RIMBP2: variants seen among roughly 807,000 people sequenced by gnomAD.
RIMBP2 encodes RIMS-binding protein 2.
A neutral mutation model predicts 118.6 loss-of-function variants in RIMBP2; 48 were observed. The ratio of observed to expected loss-of-function variants is 0.40; its 90% CI spans 0.32 to 0.51. The LOEUF is 0.51. RIMBP2 is among the 20% of genes least tolerant of loss of function. The probability of loss-of-function intolerance (pLI) is 0.41; values close to 1 mark genes in which losing one functional copy is unlikely to be tolerated. For synonymous variants in RIMBP2, 762 were observed against 742.9 expected (o/e 1.03, Z -0.42); for missense variants, 1,551 against 1,768.3 (o/e 0.88, Z 2.20).
At chr12:130,608,686 G>A (rs1227660522) in intron 2 of RIMBP2, among the ~76,000 whole-genome samples, 1 of 152,198 alleles carries the variant, frequency 6.6e-6, no homozygotes, top group Non-Finnish European at 1.5e-5. Flanking sequence ...CTCTGATTTT[G>A]TATGAGTTTA....
chr12:130,564,987 C>G (rs549310942), intron 2 of RIMBP2, among the ~76,000 whole-genome samples: 1 of 152,266 alleles, frequency 6.6e-6, no homozygotes, highest in East Asian at 1.9e-4. Context: ...TACATATGTC[C>G]AAACTCAAAC....
chr12:130,627,511 G>A (rs929429021), intron 2 of RIMBP2, among the ~76,000 whole-genome samples: 1 of 152,168 alleles, frequency 6.6e-6, no homozygotes, highest in Admixed American at 6.5e-5. Context: ...CCCTGAACCT[G>A]ACCATCGAAC....
At position 130,622,370 on chromosome 12, in the gene RIMBP2, T is replaced by C. The variant is rs185971012; in HGVS notation, c.-217+5952A>G. Among the ~76,000 whole-genome samples the C allele has an allele frequency of 5.5e-3, 842 of 152,304 alleles. 10 individuals are homozygous for C. Among genetic ancestry groups the C allele is most frequent in the African/African-American group, 0.019 (788 of 41,576 alleles). On this transcript the variant is annotated intron_variant, in intron 2 of 22. Transcript: ENST00000690449. This position sits in a 1 kb window ranked among gnomAD's most constrained non-coding sequence, Gnocchi z 8.5. ...GGCTTGTGTTTTACATACATAATTA[T>C]ATTGAAAAAGGAAACTACATATAAC... is the stretch of plus-strand genomic sequence containing the variant.
intron 2 of RIMBP2, among the ~76,000 whole-genome samples, chr12:130,574,807 T>G (rs1336905973): frequency 2.0e-5 from 3 of 151,886 alleles, no homozygotes; most frequent in Non-Finnish European, 4.4e-5. Flanking sequence ...CGTCACCCAC[T>G]GCTTGCCAAG....
chr12:130,604,749 A>T (rs1229051654), intron 2 of RIMBP2, among the ~76,000 whole-genome samples: 1 of 26,844 alleles, frequency 3.7e-5, no homozygotes, highest in African/African-American at 1.2e-4. Flanking sequence ...CGCCCGGCTA[A>T]TTTTTGTATT....
Position 130,434,958 on chromosome 12 carries a change from C to T in RIMBP2, c.2107-78G>A, listed in dbSNP as rs563204433. The T allele has an allele frequency of 2.7e-5, 39 of 1,464,992 alleles. No homozygotes were observed. The African/African-American group carries it at 2.7e-4, about 10-fold the overall frequency. The allele number at this position is 1,464,992 out of a possible 1,614,324, so 90.7% of individuals were successfully genotyped here. A position where few individuals can be genotyped will look rare whatever the true frequency, so the allele number is the denominator to read the frequency against. On this transcript the variant is annotated intron_variant, in intron 13 of 22. Transcript: ENST00000690449. This position sits in a 1 kb window ranked among gnomAD's most constrained non-coding sequence, Gnocchi z 5.7. ...CTCAGCCCCACCTGCATTCACCAAACCTTCAGCCCCTCAGAGCCTGGCCAG... is the reference window on the plus strand; with the variant it reads ...CTCAGCCCCACCTGCATTCACCAAATCTTCAGCCCCTCAGAGCCTGGCCAG...
At chr12:130,441,447 A>AATAATAATT (rs572339336) in intron 11 of RIMBP2, among the ~76,000 whole-genome samples, 154 of 141,052 alleles carry the variant, frequency 1.1e-3, no homozygotes, top group African/African-American at 3.8e-3. Context: ...TAATAATAAT[A>AATAATAATT]ATTTACAAGG....
chr12:130,613,520 T>C (rs979705049), intron 2 of RIMBP2, among the ~76,000 whole-genome samples: 1 of 152,052 alleles, frequency 6.6e-6, no homozygotes, highest in Admixed American at 6.5e-5. Flanking sequence ...CTTTCTTCGG[T>C]AAAGATTCAG....
intron 1 of RIMBP2, among the ~76,000 whole-genome samples, chr12:130,638,833 A>C (rs1395882101): frequency 6.6e-6 from 1 of 152,050 alleles, no homozygotes; most frequent in Admixed American, 6.6e-5. Context: ...AACAGGAGGG[A>C]TTTTTAGGGC....
At chr12:130,702,143 T>C (rs2065884370) in intron 1 of RIMBP2, among the ~76,000 whole-genome samples, 2 of 152,066 alleles carry the variant, frequency 1.3e-5, no homozygotes, top group Admixed American at 1.3e-4. Flanking sequence ...GAGGAAAATC[T>C]AAGCTTCTCT....
Position 130,475,103 on chromosome 12 carries a change from G to C in RIMBP2, c.102+3809C>G, listed in dbSNP as rs563324463. On this transcript the variant is annotated intron_variant, in intron 5 of 22. Transcript: ENST00000690449. The surrounding 1 kb of genome is among the most constrained non-coding windows in gnomAD (Gnocchi z 4.1). Reference sequence around the variant, plus strand: ...ACTGTGTCTCTGCTCAGGTCCCAGAGACGAGGGCTGCAGCATGAGCTCATT... The same window carrying C: ...ACTGTGTCTCTGCTCAGGTCCCAGACACGAGGGCTGCAGCATGAGCTCATT... Among the ~76,000 whole-genome samples, 73 of 152,354 alleles carry C rather than the reference G, an allele frequency of 4.8e-4. 1 individual carries two copies. The South Asian group carries it at 7.0e-3, about 15-fold the overall frequency.
chr12:130,404,357 G>T (rs956092514), intron 21 of RIMBP2, among the ~76,000 whole-genome samples: 1 of 152,166 alleles, frequency 6.6e-6, no homozygotes, highest in African/African-American at 2.4e-5. Context: ...GAGTGCAATG[G>T]CATGATCTCA....
At chr12:130,631,816 A>G (rs894654071) in intron 1 of RIMBP2, among the ~76,000 whole-genome samples, 1 of 152,224 alleles carries the variant, frequency 6.6e-6, no homozygotes, top group African/African-American at 2.4e-5. Context: ...TTGTTTCCAT[A>G]TACCTTTATA....
chr12:130,405,220 A>G (rs2075047402), intron 21 of RIMBP2, among the ~76,000 whole-genome samples: 1 of 152,234 alleles, frequency 6.6e-6, no homozygotes, highest in Admixed American at 6.5e-5. Flanking sequence ...CACAAAGTTA[A>G]AAAGCAGAGG....
rs541950870 is a variant in RIMBP2 at position 130,664,378 on chromosome 12, C to T, written c.-351-35922G>A. On this transcript the variant is annotated intron_variant, in intron 1 of 22. Coordinates refer to ENST00000690449, the MANE Select transcript of RIMBP2 (RefSeq NM_001393629.1). ...GCACACACATATGCACGTGCATGCACGCACGCGCATGCACACACACGCACG... is the reference window on the plus strand; with the variant it reads ...GCACACACATATGCACGTGCATGCATGCACGCGCATGCACACACACGCACG... 3.4e-3 allele frequency among the ~76,000 whole-genome samples: 488 copies of T among 144,022 alleles called. 9 individuals carry two copies. Among genetic ancestry groups the T allele is most frequent in the African/African-American group, 0.012 (444 of 38,438 alleles). 94.5% of individuals were successfully genotyped at this position (144,022 alleles called of 152,430 possible). A position where few individuals can be genotyped will look rare whatever the true frequency, so the allele number is the denominator to read the frequency against.
chr12:130,560,998 T>G (rs1458623964), intron 2 of RIMBP2, among the ~76,000 whole-genome samples: 2 of 152,146 alleles, frequency 1.3e-5, no homozygotes, highest in Non-Finnish European at 2.9e-5. Flanking sequence ...ACTACAGTCC[T>G]TACAAAAGAG....
intron 1 of RIMBP2, among the ~76,000 whole-genome samples, chr12:130,647,208 C>G (rs1277141524): frequency 2.6e-5 from 4 of 152,122 alleles, no homozygotes; most frequent in African/African-American, 9.7e-5. Context: ...AATAAAAATA[C>G]AAAAATTAGC....
At chr12:130,610,551 C>CTT (rs386378269) in intron 2 of RIMBP2, among the ~76,000 whole-genome samples, 21,121 of 81,298 alleles carry the variant, frequency 0.26, 6,914 homozygotes, top group Non-Finnish European at 0.35. Flanking sequence ...AATTTTCCTG[C>CTT]TTTTTTTTTT....
At chr12:130,667,063 A>AT (rs2063961989) in intron 1 of RIMBP2, among the ~76,000 whole-genome samples, 1 of 91,654 alleles carries the variant, frequency 1.1e-5, no homozygotes, top group African/African-American at 4.3e-5. Context: ...GAGAAAAGGA[A>AT]GAAGGGAGGG....
Sources: gnomAD v4.1 joint callset for allele counts (sites outside exome capture counted in the v4.1 genomes callset) on GRCh38, gnomAD v4.1.1 for gene constraint, Gnocchi (gnomAD v3.1) non-coding constraint, MANE v1.5 for transcripts, NCBI Gene and HGNC (gene_info 2026-07-23, HGNC 2026-07-21) for gene names.